Variants in MGAT4C observed in about 807,000 individuals in gnomAD.
MGAT4C encodes the protein alpha-1,3-mannosyl-glycoprotein 4-beta-N-acetylglucosaminyltransferase C.
MGAT4C carries 19 observed loss-of-function variants against 40.1 expected under a neutral mutation model. The ratio of observed to expected loss-of-function variants is 0.47; its 90% CI spans 0.33 to 0.70. MGAT4C has a LOEUF of 0.70. Ranked by LOEUF, MGAT4C falls within the 30% of genes least tolerant of loss-of-function variation. MGAT4C has a pLI of 0.02. For missense variants in MGAT4C, 491 were observed against 563.2 expected, an observed-to-expected ratio of 0.87 and a Z score of 1.30; for synonymous variants, 181 against 187.1, an observed-to-expected ratio of 0.97 and a Z score of 0.27.
chr12:86,289,124 G>A (rs1017515043), intron 4 of MGAT4C, among the ~76,000 whole-genome samples: 18 of 152,048 alleles, frequency 1.2e-4, no homozygotes, highest in African/African-American at 3.9e-4. Context: ...CTTCTGCCTA[G>A]AGCTAGCAAG....
rs1957046965 is a variant in MGAT4C, at chr12:86,431,923, TA to T, written c.-120+3233del. The stretch of plus-strand genomic sequence containing the variant: ...CTGATATTTTAAGTAATTATAGAAA[TA>T]AAGACTATGGAGAGAAGAGGAAAGA... On this transcript the variant is annotated intron_variant, in intron 3 of 7. Transcript: ENST00000548651. Among the ~76,000 whole-genome samples the T allele has an allele frequency of 2.0e-5, 3 of 151,616 alleles. No homozygotes were observed. In the Admixed American group the frequency reaches 2.0e-4, roughly 10 times the overall value.
At chr12:86,766,841 C>G (rs1175347309) in intron 1 of MGAT4C, among the ~76,000 whole-genome samples, 3 of 151,738 alleles carry the variant, frequency 2.0e-5, no homozygotes, top group Non-Finnish European at 4.4e-5. Flanking sequence ...ACACAACATA[C>G]CAGAATCCCT....
intron 2 of MGAT4C, among the ~76,000 whole-genome samples, chr12:86,587,669 T>C (rs1436385613): frequency 2.0e-5 from 3 of 152,066 alleles, no homozygotes; most frequent in Non-Finnish European, 2.9e-5. Context: ...TTCATGTCCC[T>C]TGTAAGGTGG....
chr12:86,243,093 C>T (rs1413190649), intron 1 of MGAT4C, among the ~76,000 whole-genome samples: 2 of 152,140 alleles, frequency 1.3e-5, no homozygotes, highest in African/African-American at 4.8e-5. Context: ...GCAAACACTG[C>T]AGCCATTTCT....
chr12:86,276,687 T>C (rs1953088640), intron 4 of MGAT4C, among the ~76,000 whole-genome samples: 1 of 152,336 alleles, frequency 6.6e-6, no homozygotes, highest in African/African-American at 2.4e-5. Flanking sequence ...CATGTAAAGT[T>C]TGTCTTTCTG....
At chr12:86,566,448 T>C (rs1960105643) in intron 2 of MGAT4C, among the ~76,000 whole-genome samples, 1 of 148,826 alleles carries the variant, frequency 6.7e-6, no homozygotes, top group Non-Finnish European at 1.5e-5. Context: ...GAACTCAGAC[T>C]GGCTCTCCTT....
intron 3 of MGAT4C, among the ~76,000 whole-genome samples, chr12:86,423,461 T>C (rs1267080209): frequency 6.6e-6 from 1 of 152,020 alleles, no homozygotes; most frequent in Non-Finnish European, 1.5e-5. Context: ...AGCAATGGAA[T>C]TTTCTATGAT....
At chr12:86,436,531 A>T (rs1169512387) in intron 2 of MGAT4C, among the ~76,000 whole-genome samples, 1 of 151,606 alleles carries the variant, frequency 6.6e-6, no homozygotes, top group Admixed American at 6.6e-5. Context: ...TTCCACTAAC[A>T]TTTTCATGTT....
At chr12:86,730,815 C>T (rs1163731890) in intron 1 of MGAT4C, among the ~76,000 whole-genome samples, 2 of 152,066 alleles carry the variant, frequency 1.3e-5, no homozygotes, top group Admixed American at 1.3e-4. Context: ...TATGATCCTC[C>T]TCTTCCTTTT....
intron 2 of MGAT4C, among the ~76,000 whole-genome samples, chr12:86,663,215 T>C (rs1446789696): frequency 6.6e-6 from 1 of 151,380 alleles, no homozygotes; most frequent in African/African-American, 2.4e-5. Context: ...GAAAAATTAG[T>C]TGGACACAGT....
intron 2 of MGAT4C, among the ~76,000 whole-genome samples, chr12:86,481,075 A>T (rs1196204968): frequency 6.6e-6 from 1 of 152,046 alleles, no homozygotes; most frequent in Non-Finnish European, 1.5e-5. Flanking sequence ...CATAACAAAC[A>T]TCAAAGAGAC....
At chr12:86,344,147 A>G (rs2136186278) in intron 3 of MGAT4C, among the ~76,000 whole-genome samples, 1 of 152,326 alleles carries the variant, frequency 6.6e-6, no homozygotes, top group African/African-American at 2.4e-5. Flanking sequence ...TTCCCAAGGG[A>G]ATTTCTTCAG....
Position 86,359,328 on chromosome 12 carries a change from G to A in MGAT4C, c.-119-25201C>T, listed in dbSNP as rs372624954. On this transcript the variant is annotated intron_variant, in intron 3 of 7. Transcript: ENST00000548651. ...GAATCTCTGGGACACATTTAAAGCC[G>A]TGTGTAGAGGGAAATTTATAGCACT... 2.6e-4 allele frequency among the ~76,000 whole-genome samples: 39 copies of A among 152,246 alleles called. No homozygotes were observed. In the Middle Eastern group the frequency reaches 0.014, roughly 53 times the overall value.
intron 2 of MGAT4C, among the ~76,000 whole-genome samples, chr12:86,656,964 C>A (rs764446049): frequency 1.8e-4 from 27 of 152,066 alleles, no homozygotes; most frequent in Admixed American, 4.6e-4. Context: ...ATTTTGAAAG[C>A]CCATAATACC....
chr12:85,982,337 C>T (rs1373589405), intron 4 of MGAT4C, among the ~76,000 whole-genome samples: 1 of 152,072 alleles, frequency 6.6e-6, no homozygotes, highest in African/African-American at 2.4e-5. Context: ...TACAGGTGTA[C>T]ACGACCATGC....
At chr12:86,829,804 A>G (rs1952883878) in intron 1 of MGAT4C, among the ~76,000 whole-genome samples, 1 of 150,462 alleles carries the variant, frequency 6.6e-6, no homozygotes, top group South Asian at 2.1e-4. Context: ...AAAAGACCTT[A>G]AGGTAACATT....
chr12:86,265,526 C>T, intron 4 of MGAT4C, among the ~76,000 whole-genome samples: 1 of 152,116 alleles, frequency 6.6e-6, no homozygotes, highest in Non-Finnish European at 1.5e-5. Flanking sequence ...ATTTACGTGC[C>T]TGTTTTTTAT....
chr12:86,339,870 T>C lies in MGAT4C; in HGVS notation c.-119-5743A>G, dbSNP rs115624300. On this transcript the variant is annotated intron_variant, in intron 3 of 7. Coordinates refer to the MGAT4C transcript ENST00000548651. ...TCTCTGTTTAATCTTTTCCAAATCTTAGATTGGTAGCTCTTTCTTATGTTT... is the reference window on the plus strand; with the variant it reads ...TCTCTGTTTAATCTTTTCCAAATCTCAGATTGGTAGCTCTTTCTTATGTTT... Among the ~76,000 whole-genome samples the C allele has an allele frequency of 2.3e-3, 351 of 152,270 alleles. 1 individual carries two copies. The highest frequency in any genetic ancestry group is 7.8e-3 in the African/African-American group (326 of 41,566).
chr12:86,387,485 T>C (rs1251817968), intron 3 of MGAT4C, among the ~76,000 whole-genome samples: 1 of 152,130 alleles, frequency 6.6e-6, no homozygotes, highest in Non-Finnish European at 1.5e-5. Flanking sequence ...ATTATGGAAA[T>C]ATATATGCTT....
Sources: gnomAD v4.1 joint callset for allele counts (sites outside exome capture counted in the v4.1 genomes callset) on GRCh38, gnomAD v4.1.1 for gene constraint, MANE v1.5 for transcripts, NCBI Gene and HGNC (gene_info 2026-07-23, HGNC 2026-07-21) for gene names.